Variants in DIAPH2 observed in about 807,000 individuals in gnomAD.
DIAPH2 encodes diaphanous related formin 2.
In DIAPH2, 35 loss-of-function variants were observed where a neutral mutation model predicts 92.7. That is an observed-to-expected ratio of 0.38 (90% CI 0.29 to 0.50). The LOEUF (loss-of-function observed/expected upper bound fraction) is 0.50. Ranked by LOEUF, DIAPH2 falls within the 20% of genes least tolerant of loss-of-function variation. The pLI is 0.94. For synonymous variants in DIAPH2, 301 were observed against 280.4 expected, an observed-to-expected ratio of 1.07 and a Z score of -0.73; for missense variants, 701 against 819.5, an observed-to-expected ratio of 0.86 and a Z score of 1.77.
rs868291524 is a variant in DIAPH2 at position 97,258,890 on chromosome X, A to C, written c.2844+11051A>C. On this transcript the variant is annotated intron_variant, in intron 23 of 26. Transcript: ENST00000324765. ...CGTCTCAAAAAAAAAAAAAAAAAAA[A>C]ACAACAACAACAACAACAGAAACAA... Among the ~76,000 whole-genome samples, 290 of 100,251 alleles carry C rather than the reference A, an allele frequency of 2.9e-3. 1 individual carries two copies. Among genetic ancestry groups the C allele is most frequent in the Middle Eastern group, 0.01 (2 of 195 alleles). The allele number at this position is 100,251 out of a possible 115,157, so 87.1% of individuals were successfully genotyped here. A position where few individuals can be genotyped will look rare whatever the true frequency, so the allele number is the denominator to read the frequency against.
chrX:97,092,032 C>T (rs1422247398), intron 19 of DIAPH2, among the ~76,000 whole-genome samples: 17 of 111,170 alleles, frequency 1.5e-4, no homozygotes, highest in African/African-American at 5.2e-4. Flanking sequence ...CCAAAATAAC[C>T]CCTTTTCTGG....
chrX:97,001,179 C>A (rs1292582503), intron 17 of DIAPH2, among the ~76,000 whole-genome samples: 1 of 112,021 alleles, frequency 8.9e-6, no homozygotes, highest in Non-Finnish European at 1.9e-5. Context: ...AGAAACAGGT[C>A]ATCTGTTTGT....
At chrX:97,592,233 C>G (rs1258347737) in intron 26 of DIAPH2, among the ~76,000 whole-genome samples, 1 of 111,597 alleles carries the variant, frequency 9.0e-6, no homozygotes, top group Non-Finnish European at 1.9e-5. Context: ...CCTAAAGTTA[C>G]TATAATTGAG....
intron 22 of DIAPH2, among the ~76,000 whole-genome samples, chrX:97,231,958 T>C (rs1176495134): frequency 8.9e-6 from 1 of 111,910 alleles, no homozygotes; most frequent in Non-Finnish European, 1.9e-5. Flanking sequence ...AAAAGATGAA[T>C]GTTGATGACT....
At chrX:97,474,686 A>T (rs907594776) in intron 26 of DIAPH2, among the ~76,000 whole-genome samples, 2 of 110,310 alleles carry the variant, frequency 1.8e-5, no homozygotes, top group Non-Finnish European at 3.8e-5. Context: ...GAATCCCTCG[A>T]ACCCAAGAGA....
rs189577680 is a variant in DIAPH2 at position 96,868,086 on chromosome X, C to T, written c.448-13493C>T. ...TTTGGGTTCTCTGTGCCTACCGTGC[C>T]GTAGGATAACCCAACTGTGCCACTA... On this transcript the variant is annotated intron_variant, in intron 4 of 26. Transcript: ENST00000324765. Among the ~76,000 whole-genome samples the T allele has an allele frequency of 6.5e-4, 73 of 111,936 alleles. No homozygotes were observed. In the Admixed American group the frequency reaches 6.6e-3, roughly 10 times the overall value.
intron 25 of DIAPH2, among the ~76,000 whole-genome samples, chrX:97,408,773 T>G (rs2069836490): frequency 8.9e-6 from 1 of 111,985 alleles, no homozygotes; most frequent in African/African-American, 3.2e-5. Context: ...TTTTGCTATT[T>G]TTTAGAATTT....
intron 23 of DIAPH2, among the ~76,000 whole-genome samples, chrX:97,263,965 C>T (rs1193277837): frequency 1.9e-5 from 2 of 105,479 alleles, no homozygotes; most frequent in Non-Finnish European, 3.9e-5. Flanking sequence ...TCTGTTACCC[C>T]AGCTGGAGTG....
rs1212912345 is a variant in DIAPH2, at chrX:96,888,066, C to CT, written c.587+6359dup. On this transcript the variant is annotated intron_variant, in intron 5 of 26. Transcript: ENST00000324765. ...CTCAGACCTCTCTGTTTCTCTCTCT[C>CT]TTTTTTTTTTTGAGACAGAGTCTTG... Among the ~76,000 whole-genome samples, 863 of 101,956 alleles carry CT rather than the reference C, an allele frequency of 8.5e-3. 13 individuals carry two copies. Among genetic ancestry groups the CT allele is most frequent in the African/African-American group, 0.026 (740 of 28,153 alleles). The allele number at this position is 101,956 out of a possible 115,157, so 88.5% of individuals were successfully genotyped here.
intron 26 of DIAPH2, among the ~76,000 whole-genome samples, chrX:97,589,300 G>A (rs1207157704): frequency 2.8e-4 from 19 of 67,626 alleles, no homozygotes; most frequent in Admixed American, 4.4e-4. Flanking sequence ...CTGCACGGCC[G>A]AGAGAGACTC....
At chrX:97,577,371 G>A (rs2071405683) in intron 26 of DIAPH2, among the ~76,000 whole-genome samples, 1 of 112,348 alleles carries the variant, frequency 8.9e-6, no homozygotes, top group East Asian at 2.8e-4. Context: ...CTAATAAAGA[G>A]GTAGAAGAGG....
Position 97,420,579 on chromosome X carries a change from T to A in DIAPH2, c.3146-9071T>A, listed in dbSNP as rs184163007. On this transcript the variant is annotated intron_variant, in intron 25 of 26. Transcript: ENST00000324765. ...TACCTGTTCTGGCAAGGAGATGAGA[T>A]ACTAGAATGAATGAACTCTCTAACC... Among the ~76,000 whole-genome samples, 3 of 112,276 alleles carry A rather than the reference T, an allele frequency of 2.7e-5. No homozygotes were observed. In the East Asian group the frequency reaches 8.4e-4, roughly 32 times the overall value.
At chrX:97,030,525 C>T (rs1237451622) in intron 17 of DIAPH2, among the ~76,000 whole-genome samples, 1 of 110,729 alleles carries the variant, frequency 9.0e-6, no homozygotes, top group East Asian at 2.8e-4. Flanking sequence ...TCTAATATGA[C>T]AGTATTATGC....
At chrX:97,337,963 C>T (rs1320194692) in intron 23 of DIAPH2, among the ~76,000 whole-genome samples, 2 of 107,785 alleles carry the variant, frequency 1.9e-5, no homozygotes, top group African/African-American at 6.8e-5. Flanking sequence ...ACCTCCATCT[C>T]CTGGGTTCAA....
intron 19 of DIAPH2, among the ~76,000 whole-genome samples, chrX:97,083,784 C>T (rs888424279): frequency 1.2e-4 from 13 of 111,993 alleles, no homozygotes; most frequent in African/African-American, 2.9e-4. Flanking sequence ...TTATAAACTT[C>T]GTGACAGGTT....
intron 25 of DIAPH2, among the ~76,000 whole-genome samples, chrX:97,397,788 T>C (rs2069718737): frequency 8.9e-6 from 1 of 112,416 alleles, no homozygotes; most frequent in African/African-American, 3.2e-5. Flanking sequence ...ATCTACACAT[T>C]CTTGGTTGAG....
intron 24 of DIAPH2, 52 bp downstream of exon 24, chrX:97,348,332 T>C: frequency 9.7e-7 from 1 of 1,033,427 alleles, no homozygotes; most frequent in Non-Finnish European, 1.3e-6. Context: ...TATTTCTGAA[T>C]GTTTTCCTTC....
intron 26 of DIAPH2, among the ~76,000 whole-genome samples, chrX:97,536,501 T>C (rs1235941210): frequency 8.9e-6 from 1 of 112,537 alleles, no homozygotes. Context: ...TGTACAGGTA[T>C]GACAAGTATA....
At chrX:97,006,631 A>G (rs1171419166) in intron 17 of DIAPH2, among the ~76,000 whole-genome samples, 1 of 111,138 alleles carries the variant, frequency 9.0e-6, no homozygotes, top group African/African-American at 3.3e-5. Flanking sequence ...TTTATTTTCT[A>G]TGTGTGTCTT....
Sources: gnomAD v4.1 joint callset for allele counts (sites outside exome capture counted in the v4.1 genomes callset) on GRCh38, gnomAD v4.1.1 for gene constraint, MANE v1.5 for transcripts, NCBI Gene and HGNC (gene_info 2026-07-23, HGNC 2026-07-21) for gene names.